DAB1: variants seen among roughly 807,000 people sequenced by gnomAD.
DAB1 encodes disabled homolog 1.
A neutral mutation model predicts 64.6 loss-of-function variants in DAB1; 15 were observed. The observed-to-expected ratio is 0.23, with a 90% CI of 0.16 to 0.36. The LOEUF (loss-of-function observed/expected upper bound fraction) is 0.36, where lower values mean the gene tolerates loss of function less well. Among genes scored for constraint, DAB1 ranks in the 10% least tolerant of loss-of-function variants. The pLI is 1.00. For synonymous variants in DAB1, 235 were observed against 251.9 expected (o/e 0.93, Z 0.64); for missense variants, 596 against 706.7 (o/e 0.84, Z 1.78).
chr1:58,118,693 C>T (rs1436186347), intron 5 of DAB1, among the ~76,000 whole-genome samples: 1 of 148,064 alleles, frequency 6.8e-6, no homozygotes, highest in Non-Finnish European at 1.5e-5. Flanking sequence ...TATATATCCT[C>T]ATAAACTCAT....
chr1:57,327,886 T>C (rs945932669), intron 1 of DAB1, among the ~76,000 whole-genome samples: 2 of 152,114 alleles, frequency 1.3e-5, no homozygotes, highest in Admixed American at 6.5e-5. Flanking sequence ...CATGGAGATA[T>C]GATTGACCTG....
intron 6 of DAB1, among the ~76,000 whole-genome samples, chr1:57,701,554 G>A (rs1646907948): frequency 6.6e-6 from 1 of 151,984 alleles, no homozygotes; most frequent in Non-Finnish European, 1.5e-5. Flanking sequence ...GGGGTAGGGG[G>A]AGGAGGGAGG....
intron 5 of DAB1, among the ~76,000 whole-genome samples, chr1:57,893,984 A>G (rs1644355156): frequency 6.6e-6 from 1 of 152,130 alleles, no homozygotes; most frequent in Admixed American, 6.6e-5. Flanking sequence ...GAACGCCTCA[A>G]CTGAGCATGC....
intron 7 of DAB1, among the ~76,000 whole-genome samples, chr1:57,497,302 G>A (rs1644242148): frequency 6.6e-6 from 1 of 152,106 alleles, no homozygotes; most frequent in African/African-American, 2.4e-5. Context: ...CTATGATGCA[G>A]GTTTCACAAG....
intron 4 of DAB1, among the ~76,000 whole-genome samples, chr1:58,257,915 G>C (rs1401088815): frequency 6.6e-6 from 1 of 152,196 alleles, no homozygotes; most frequent in African/African-American, 2.4e-5. Context: ...CCTTACACTT[G>C]ATCTTGATCT....
chr1:58,391,347 C>A (rs1376862459), intron 3 of DAB1, among the ~76,000 whole-genome samples: 4 of 152,178 alleles, frequency 2.6e-5, no homozygotes, highest in African/African-American at 9.7e-5. Context: ...CATGCACTGA[C>A]CAGGCCTATT....
At chr1:57,559,745 C>T (rs920569309) in intron 7 of DAB1, among the ~76,000 whole-genome samples, 5 of 152,164 alleles carry the variant, frequency 3.3e-5, no homozygotes, top group East Asian at 1.9e-4. Context: ...AACCCCACAT[C>T]GGCTCCCTGA....
chr1:57,418,073 TCC>T (rs1221720914), intron 1 of DAB1, among the ~76,000 whole-genome samples: 4 of 152,208 alleles, frequency 2.6e-5, no homozygotes, highest in Admixed American at 2.6e-4. Flanking sequence ...TGAAACCAGG[TCC>T]CTAGATGGCA....
chr1:58,123,649 G>A (rs555534373), intron 5 of DAB1, among the ~76,000 whole-genome samples: 11 of 152,022 alleles, frequency 7.2e-5, no homozygotes, highest in Non-Finnish European at 7.4e-5. Flanking sequence ...GCCTGCTTAG[G>A]GCCCTGGTGT....
intron 2 of DAB1, among the ~76,000 whole-genome samples, chr1:57,241,027 C>G (rs751690071): frequency 6.6e-6 from 1 of 152,134 alleles, no homozygotes; most frequent in Admixed American, 6.6e-5. Flanking sequence ...GCACTATACA[C>G]GCATCCACCA....
chr1:57,609,330 C>T (rs1645697842), intron 7 of DAB1, among the ~76,000 whole-genome samples: 1 of 152,164 alleles, frequency 6.6e-6, no homozygotes, highest in African/African-American at 2.4e-5. Flanking sequence ...TATAGTACAA[C>T]TATTCGTGTA....
chr1:57,511,838 T>A (rs1234137932), intron 7 of DAB1, among the ~76,000 whole-genome samples: 1 of 152,172 alleles, frequency 6.6e-6, no homozygotes, highest in African/African-American at 2.4e-5. Context: ...ACATTTACCA[T>A]CTGAATCCAG....
chr1:57,461,996 C>G (rs1686800316), intron 7 of DAB1, among the ~76,000 whole-genome samples: 1 of 144,418 alleles, frequency 6.9e-6, no homozygotes, highest in Non-Finnish European at 1.5e-5. Context: ...CCTTGTCCCC[C>G]AGGCTCGAGT....
intron 6 of DAB1, among the ~76,000 whole-genome samples, chr1:57,763,500 C>A (rs59272829): frequency 0.18 from 27,836 of 151,812 alleles, 3,281 homozygotes; most frequent in African/African-American, 0.33. Flanking sequence ...AATAGTGAGA[C>A]CCTGTTTCTA....
At chr1:58,109,816 T>C (rs1570363444) in intron 5 of DAB1, among the ~76,000 whole-genome samples, 1 of 151,324 alleles carries the variant, frequency 6.6e-6, no homozygotes, top group East Asian at 1.9e-4. Context: ...AGCTGCCTAC[T>C]AGATCTCCTG....
chr1:57,608,159 A>G (rs944145780), intron 7 of DAB1, among the ~76,000 whole-genome samples: 1 of 152,206 alleles, frequency 6.6e-6, no homozygotes, highest in African/African-American at 2.4e-5. Flanking sequence ...ACACACATAT[A>G]TATACATACA....
At chr1:57,720,722 T>C (rs754953566) in intron 6 of DAB1, among the ~76,000 whole-genome samples, 3 of 152,248 alleles carry the variant, frequency 2.0e-5, no homozygotes, top group Non-Finnish European at 4.4e-5. Context: ...TATTTATTTA[T>C]TTATTTTTCT....
chr1:57,198,074 G>C (rs2100252184), intron 2 of DAB1, among the ~76,000 whole-genome samples: 1 of 152,234 alleles, frequency 6.6e-6, no homozygotes, highest in South Asian at 2.1e-4. Context: ...ATGAAAATAT[G>C]CTTCTTCCAT....
At chr1:57,910,834 G>A (rs1277109625) in intron 5 of DAB1, among the ~76,000 whole-genome samples, 1 of 152,214 alleles carries the variant, frequency 6.6e-6, no homozygotes, top group Non-Finnish European at 1.5e-5. Context: ...ACAGACCAGG[G>A]TTTGGATCTC....
Sources: allele counts gnomAD v4.1 joint callset (sites outside exome capture counted in the v4.1 genomes callset), GRCh38; gene constraint gnomAD v4.1.1; transcripts MANE v1.5; gene names NCBI Gene and HGNC (gene_info 2026-07-23, HGNC 2026-07-21).